Variants in FGF13 observed in about 807,000 individuals in gnomAD.
FGF13 encodes fibroblast growth factor 13, also known as fibroblast growth factor homologous factor 2.
Under a neutral mutation model 19.5 loss-of-function variants are expected in FGF13, and 2 were observed. That is an observed-to-expected ratio of 0.10 (90% CI 0.04 to 0.32). FGF13 has a LOEUF of 0.32. Among genes scored for constraint, FGF13 ranks in the 10% least tolerant of loss-of-function variants. The probability of loss-of-function intolerance (pLI) is 1.00; values close to 1 mark genes in which losing one functional copy is unlikely to be tolerated. For missense variants in FGF13, 113 were observed against 192.7 expected, an observed-to-expected ratio of 0.59 and a Z score of 2.45; for synonymous variants, 72 against 76.9, an observed-to-expected ratio of 0.94 and a Z score of 0.33.
At chrX:138,635,708 T>G in intron 3 of FGF13, 53 bp from the exon 4 acceptor site, 1 of 968,437 alleles carries the variant, frequency 1.0e-6, no homozygotes, top group East Asian at 3.1e-5. Context: ...ATGAATTTCC[T>G]GTAGAATCAT....
At position 139,066,755 on chromosome X, in the gene FGF13, A is replaced by T. The variant is rs1227473584; in HGVS notation, c.-113+136661T>A. 6.4e-5 allele frequency among the ~76,000 whole-genome samples: 7 copies of T among 109,104 alleles called. No individual in the cohort carries two copies. In the East Asian group the frequency reaches 2.0e-3, roughly 32 times the overall value. The allele number at this position is 109,104 out of a possible 115,157, so 94.7% of individuals were successfully genotyped here. A position where few individuals can be genotyped will look rare whatever the true frequency, so the allele number is the denominator to read the frequency against. ...TATTCCAAATGATAGAAAAAGAAGGACTCCTTCCTAAATCATTTTATGAGG... is the reference window on the plus strand; with the variant it reads ...TATTCCAAATGATAGAAAAAGAAGGTCTCCTTCCTAAATCATTTTATGAGG... On this transcript the variant is annotated intron_variant, in intron 1 of 2. Coordinates refer to the FGF13 transcript ENST00000421460.
chrX:139,087,365 A>G (rs948529411), intron 1 of FGF13, among the ~76,000 whole-genome samples: 3 of 111,944 alleles, frequency 2.7e-5, no homozygotes, highest in African/African-American at 9.7e-5. Flanking sequence ...AGTTAAAATA[A>G]CAGATTTAGA....
chrX:138,941,048 T>C (rs1340586916), intron 1 of FGF13, among the ~76,000 whole-genome samples: 1 of 111,382 alleles, frequency 9.0e-6, no homozygotes, highest in African/African-American at 3.3e-5. Context: ...AACTAGGCAT[T>C]GAAGGAACAT....
At chrX:138,646,072 T>A (rs2089303123) in intron 3 of FGF13, among the ~76,000 whole-genome samples, 1 of 112,434 alleles carries the variant, frequency 8.9e-6, no homozygotes, top group Admixed American at 9.4e-5. Flanking sequence ...ATAACAATAA[T>A]GAAAAATATA....
At chrX:138,884,013 G>T (rs1470082416) in intron 1 of FGF13, among the ~76,000 whole-genome samples, 1 of 111,973 alleles carries the variant, frequency 8.9e-6, no homozygotes, top group Non-Finnish European at 1.9e-5. Context: ...TGCTAGCTTT[G>T]TGATCTTGGG....
chrX:138,686,189 C>T (rs2089781002), intron 3 of FGF13, among the ~76,000 whole-genome samples: 1 of 111,395 alleles, frequency 9.0e-6, no homozygotes. Flanking sequence ...TTCCCTAATG[C>T]TCCAACAAAT....
chrX:139,071,981 A>T (rs779067032), intron 1 of FGF13, among the ~76,000 whole-genome samples: 3 of 82,901 alleles, frequency 3.6e-5, no homozygotes, highest in Non-Finnish European at 6.5e-5. Context: ...GTGCCACTGC[A>T]CTCCAGCCAC....
At chrX:138,983,999 T>C (rs1369129651) in intron 1 of FGF13, among the ~76,000 whole-genome samples, 1 of 112,173 alleles carries the variant, frequency 8.9e-6, no homozygotes, top group Non-Finnish European at 1.9e-5. Flanking sequence ...TCATGGTAAG[T>C]ATTCTTACCA....
At chrX:139,119,282 CAAT>C (rs2083660873) in intron 1 of FGF13, among the ~76,000 whole-genome samples, 1 of 111,902 alleles carries the variant, frequency 8.9e-6, no homozygotes, top group African/African-American at 3.2e-5. Flanking sequence ...TGCAGTCCGC[CAAT>C]AATAATGAGA....
chrX:138,896,917 C>T (rs985436060), intron 1 of FGF13, among the ~76,000 whole-genome samples: 19 of 111,790 alleles, frequency 1.7e-4, no homozygotes, highest in African/African-American at 3.9e-4. Context: ...TGGCAGATGA[C>T]GGTGAGCACC....
intron 1 of FGF13, among the ~76,000 whole-genome samples, chrX:139,094,448 A>G (rs1183301169): frequency 1.8e-5 from 2 of 111,686 alleles, no homozygotes; most frequent in Non-Finnish European, 3.8e-5. Flanking sequence ...CACACTTAGG[A>G]GCCATATCCA....
intron 1 of FGF13, among the ~76,000 whole-genome samples, chrX:138,959,715 T>C (rs1190999208): frequency 8.9e-6 from 1 of 111,961 alleles, no homozygotes; most frequent in Admixed American, 9.5e-5. Context: ...CTATATTGGG[T>C]GCATATATAT....
At chrX:138,932,546 G>C (rs1451188194) in intron 1 of FGF13, among the ~76,000 whole-genome samples, 2 of 110,658 alleles carry the variant, frequency 1.8e-5, no homozygotes, top group East Asian at 5.8e-4. Flanking sequence ...AGGTTGCAGT[G>C]AGCTGAGATC....
At chrX:138,706,186 CG>C (rs35026428) in intron 2 of FGF13, among the ~76,000 whole-genome samples, 34,286 of 111,183 alleles carry the variant, frequency 0.31, 3,943 homozygotes, top group East Asian at 0.61. Flanking sequence ...ATAATGCTAC[CG>C]TGAGTTTGAA....
chrX:138,924,393 G>C (rs1388104309), intron 1 of FGF13, among the ~76,000 whole-genome samples: 3 of 111,980 alleles, frequency 2.7e-5, no homozygotes, highest in African/African-American at 9.8e-5. Flanking sequence ...GAATAGGAAA[G>C]ATACAGTTCC....
chrX:138,950,413 G>A (rs764695669), intron 1 of FGF13, among the ~76,000 whole-genome samples: 36 of 111,946 alleles, frequency 3.2e-4, no homozygotes, highest in Non-Finnish European at 3.8e-4. Context: ...TAGCTAGTGC[G>A]TTCATATTCT....
Position 139,199,309 on chromosome X carries a change from C to CA in FGF13, c.-113+4106_-113+4107insT, listed in dbSNP as rs201801721. ...TACTCTAATGCACATGGTTTTTCCC[C>CA]CCTCCTTCAATTGCTTAATCTTGAC... On this transcript the variant is annotated intron_variant, in intron 1 of 2. Transcript: ENST00000421460. Among the ~76,000 whole-genome samples the CA allele has an allele frequency of 1.0e-2, 1,103 of 110,687 alleles. 10 individuals carry two copies. Among genetic ancestry groups the CA allele is most frequent in the African/African-American group, 0.035 (1,039 of 29,642 alleles).
chrX:139,094,293 T>A (rs113985583), intron 1 of FGF13, among the ~76,000 whole-genome samples: 4 of 112,042 alleles, frequency 3.6e-5, no homozygotes, highest in African/African-American at 1.3e-4. Flanking sequence ...AGTTCTAAAG[T>A]TCAGTGAAGA....
intron 1 of FGF13, among the ~76,000 whole-genome samples, chrX:139,001,354 A>G (rs1039452446): frequency 8.9e-6 from 1 of 112,054 alleles, no homozygotes; most frequent in African/African-American, 3.2e-5. Context: ...ATTAAACTAA[A>G]GAGCTTTTGC....
Sources: allele counts gnomAD v4.1 joint callset (sites outside exome capture counted in the v4.1 genomes callset), GRCh38; gene constraint gnomAD v4.1.1; transcripts MANE v1.5; gene names NCBI Gene and HGNC (gene_info 2026-07-23, HGNC 2026-07-21).